The following PRKCA variants were observed in gnomAD, a reference collection of about 807,000 sequenced individuals.
PRKCA encodes the protein protein kinase C alpha type.
A neutral mutation model predicts 87.0 loss-of-function variants in PRKCA; 27 were observed. The ratio of observed to expected loss-of-function variants is 0.31; its 90% CI spans 0.23 to 0.43. PRKCA has a LOEUF of 0.43. Ranked by LOEUF, PRKCA falls within the 20% of genes least tolerant of loss-of-function variation. The pLI, the probability that PRKCA is intolerant of heterozygous loss-of-function variation, is 1.00. For synonymous variants in PRKCA, 329 were observed against 311.1 expected, an observed-to-expected ratio of 1.06 and a Z score of -0.61; for missense variants, 518 against 852.3, an observed-to-expected ratio of 0.61 and a Z score of 4.88.
At position 66,645,423 on chromosome 17, in the gene PRKCA, C is replaced by A; in HGVS notation, c.441C>A (p.Val147=). Residue 147 remains valine (V), a synonymous_variant, in exon 5 of 17, where the codon GTC becomes GTA. Coordinates refer to ENST00000413366, the MANE Select transcript of PRKCA (RefSeq NM_002737.3). ...MNVHKQCVIN[V]PSLCGMDHTE... is the part of the protein sequence containing the mutation. ...TTCACAAGCAATGCGTCATCAATGTCCCCAGCCTCTGCGGAATGGATCACA... is the reference window on the plus strand; with the variant it reads ...TTCACAAGCAATGCGTCATCAATGTACCCAGCCTCTGCGGAATGGATCACA... 2 of 1,614,188 alleles carry A rather than the reference C, an allele frequency of 1.2e-6. No homozygotes were observed. Among genetic ancestry groups the A allele is most frequent in the Non-Finnish European group, 1.7e-6 (2 of 1,180,032 alleles).
chr17:66,644,445 G>A (rs957360468), intron 4 of PRKCA, among the ~76,000 whole-genome samples: 2 of 152,106 alleles, frequency 1.3e-5, no homozygotes, highest in Non-Finnish European at 2.9e-5. Context: ...AAGGGTGATC[G>A]AGCTGGAACA....
chr17:66,302,947 C>A lies in PRKCA; in HGVS notation c.96C>A (p.His32Gln), dbSNP rs749195097. Residue 32 changes from histidine to glutamine, a missense_variant, in exon 1 of 17, where the codon CAC becomes CAA. Coordinates refer to ENST00000413366, the MANE Select transcript of PRKCA (RefSeq NM_002737.3). ...RKGALRQKNVHEVKDHKFIAR... is the reference protein window; with the variant it reads ...RKGALRQKNVQEVKDHKFIAR... ...GGGCGCTGAGGCAGAAGAACGTGCACGAGGTGAAGGACCACAAATTCATCG... is the reference window on the plus strand; with the variant it reads ...GGGCGCTGAGGCAGAAGAACGTGCAAGAGGTGAAGGACCACAAATTCATCG... The A allele has an allele frequency of 3.1e-6, 5 of 1,612,606 alleles. No individual in the cohort carries two copies. The highest frequency in any genetic ancestry group is 2.7e-5 in the African/African-American group (2 of 74,772).
chr17:66,576,786 A>G (rs1048863713), intron 3 of PRKCA, among the ~76,000 whole-genome samples: 2 of 152,002 alleles, frequency 1.3e-5, no homozygotes, highest in Non-Finnish European at 2.9e-5. Flanking sequence ...CTTTTCACTT[A>G]GAGAGGGCTT....
chr17:66,362,971 G>A (rs1908485337), intron 2 of PRKCA, among the ~76,000 whole-genome samples: 2 of 152,194 alleles, frequency 1.3e-5, no homozygotes, highest in Non-Finnish European at 2.9e-5. Flanking sequence ...TGAGATTACA[G>A]GTGTGAGCCA....
chr17:66,442,495 C>T (rs78129629), intron 2 of PRKCA, among the ~76,000 whole-genome samples: 19,493 of 151,862 alleles, frequency 0.13, 1,360 homozygotes, highest in Middle Eastern at 0.18. Context: ...CGCTTTCTGC[C>T]TGTAATCATT....
chr17:66,443,409 G>T (rs1479403390), intron 2 of PRKCA, among the ~76,000 whole-genome samples: 1 of 152,194 alleles, frequency 6.6e-6, no homozygotes, highest in Non-Finnish European at 1.5e-5. Flanking sequence ...GAAATAAAGT[G>T]AGGCTTCTTA....
chr17:66,572,007 G>A (rs116564272), intron 3 of PRKCA, among the ~76,000 whole-genome samples: 2,174 of 152,228 alleles, frequency 0.014, 56 homozygotes, highest in African/African-American at 0.05. Context: ...CATATAATTG[G>A]GATGCTGTCT....
chr17:66,689,008 G>A lies in PRKCA; in HGVS notation c.879G>A (p.Gly293=). 6.2e-7 allele frequency: 1 copy of A among 1,602,000 alleles called. No homozygotes were observed. Among genetic ancestry groups the A allele is most frequent in the Non-Finnish European group, 8.5e-7 (1 of 1,174,812 alleles). ...GEYYNVPIPE[G]DEEGNMELRQ... Reference sequence around the variant, plus strand: ...ACTACAACGTACCCATTCCGGAAGGGGACGAGGAAGGAAACATGGAACTCA... The same window carrying A: ...ACTACAACGTACCCATTCCGGAAGGAGACGAGGAAGGAAACATGGAACTCA... Residue 293 remains glycine (G), a synonymous_variant, in exon 8 of 17, where the codon GGG becomes GGA. Transcript: ENST00000413366. The surrounding 1 kb of genome is among the most constrained non-coding windows in gnomAD (Gnocchi z 4.1).
rs1248983787 is a variant in PRKCA at position 66,731,800 on chromosome 17, T to C, written c.919-888T>C. ...CTTTTTTTTTTTTTTTTTTTTTTTTTTTGAGACAGAGTCTTGCTCTGTCGC... is the reference window on the plus strand; with the variant it reads ...CTTTTTTTTTTTTTTTTTTTTTTTTCTTGAGACAGAGTCTTGCTCTGTCGC... On this transcript the variant is annotated intron_variant, in intron 8 of 16. Transcript: ENST00000413366. Among the ~76,000 whole-genome samples the C allele has an allele frequency of 3.0e-5, 4 of 132,730 alleles. No individual in the cohort carries two copies. The East Asian group carries it at 9.8e-4, about 33-fold the overall frequency. The allele number at this position is 132,730 out of a possible 152,430, so 87.1% of individuals were successfully genotyped here. A position where few individuals can be genotyped will look rare whatever the true frequency, so the allele number is the denominator to read the frequency against.
intron 3 of PRKCA, chr17:66,638,397 A>T (rs1971202421): frequency 6.6e-6 from 1 of 152,158 alleles, no homozygotes; most frequent in Admixed American, 6.6e-5. Flanking sequence ...TCTGATGTTC[A>T]TCAACCATGT....
At chr17:66,694,169 A>G (rs1014713715) in intron 8 of PRKCA, among the ~76,000 whole-genome samples, 1 of 152,132 alleles carries the variant, frequency 6.6e-6, no homozygotes, top group African/African-American at 2.4e-5. Context: ...CCCGATTACA[A>G]ACTGAAAAGT....
At chr17:66,489,348 AG>A (rs1916115997) in intron 2 of PRKCA, among the ~76,000 whole-genome samples, 1 of 118,402 alleles carries the variant, frequency 8.4e-6, no homozygotes, top group Admixed American at 9.1e-5. Flanking sequence ...GACCCTTAGC[AG>A]TGCATATATA....
chr17:66,423,273 A>G (rs1912594190), intron 2 of PRKCA, among the ~76,000 whole-genome samples: 1 of 152,172 alleles, frequency 6.6e-6, no homozygotes, highest in Non-Finnish European at 1.5e-5. Context: ...TCAAGCTGGT[A>G]GTACTTTGTT....
Position 66,698,622 on chromosome 17 carries a change from C to T in PRKCA, c.918+9575C>T, listed in dbSNP as rs79939670. On this transcript the variant is annotated intron_variant, in intron 8 of 16. Coordinates refer to ENST00000413366, the MANE Select transcript of PRKCA (RefSeq NM_002737.3). ...TATGGGACAACATTAAAAGGGCTAA[C>T]ATTTGCATTGTGGAAATTCTAGAAG... Among the ~76,000 whole-genome samples the T allele has an allele frequency of 9.2e-3, 1,397 of 152,036 alleles. 9 individuals carry two copies. Among genetic ancestry groups the T allele is most frequent in the Non-Finnish European group, 0.015 (1,006 of 67,958 alleles).
intron 5 of PRKCA, chr17:66,676,780 A>G (rs1027575086): frequency 1.3e-5 from 2 of 152,278 alleles, no homozygotes; most frequent in Admixed American, 1.3e-4. Context: ...TAAGGTGCAC[A>G]TGAGAGGTGC....
At chr17:66,613,779 CTTTTTTTTTT>C (rs57610655) in intron 3 of PRKCA, among the ~76,000 whole-genome samples, 967 of 69,430 alleles carry the variant, frequency 0.014, 24 homozygotes, top group African/African-American at 0.056. Flanking sequence ...TGACTTCATC[CTTTTTTTTTT>C]TTTTTTTTTT....
intron 5 of PRKCA, among the ~76,000 whole-genome samples, chr17:66,661,157 G>T (rs958035743): frequency 6.6e-6 from 1 of 152,092 alleles, no homozygotes; most frequent in Admixed American, 6.5e-5. Context: ...GGCCCTAGAC[G>T]ATTCTACAGC....
intron 2 of PRKCA, among the ~76,000 whole-genome samples, chr17:66,462,925 AAC>A (rs58085398): frequency 0.095 from 14,016 of 147,314 alleles, 785 homozygotes; most frequent in East Asian, 0.24. Flanking sequence ...CACACATGCA[AAC>A]ACACACACAC....
At chr17:66,787,764 G>T (rs963133096) in intron 15 of PRKCA, among the ~76,000 whole-genome samples, 7 of 151,736 alleles carry the variant, frequency 4.6e-5, no homozygotes, top group Admixed American at 2.0e-4. Flanking sequence ...GATTAGTCTT[G>T]CCTGTTTTGA....
Sources: allele counts gnomAD v4.1 joint callset (sites outside exome capture counted in the v4.1 genomes callset), GRCh38; gene constraint gnomAD v4.1.1; non-coding constraint Gnocchi (gnomAD v3.1); transcripts MANE v1.5; gene names NCBI Gene and HGNC (gene_info 2026-07-23, HGNC 2026-07-21).